MTIF2: variants seen among roughly 807,000 people sequenced by gnomAD.
The protein encoded by MTIF2 is translation initiation factor IF-2, mitochondrial.
Under a neutral mutation model 83.5 loss-of-function variants are expected in MTIF2, and 71 were observed. The observed-to-expected ratio is 0.85, with a 90% CI of 0.70 to 1.04. The LOEUF is 1.04. Ranked by LOEUF, MTIF2 falls within the 50% of genes least tolerant of loss-of-function variation. The pLI is 0.00. For missense variants in MTIF2, 957 were observed against 846.5 expected, an observed-to-expected ratio of 1.13 and a Z score of -1.62; for synonymous variants, 319 against 287.1, an observed-to-expected ratio of 1.11 and a Z score of -1.12.
rs181088667 is a variant in MTIF2, at chr2:55,249,255, C to T, written c.981+140G>A. On this transcript the variant is annotated intron_variant, in intron 9 of 15. Coordinates refer to ENST00000263629, the MANE Select transcript of MTIF2 (RefSeq NM_002453.3). Reference sequence around the variant, plus strand: ...CTAACATGCCAAACCAAGATAATACCATCTTTGCCTGGCACCAAGAAAACT... The same window carrying T: ...CTAACATGCCAAACCAAGATAATACTATCTTTGCCTGGCACCAAGAAAACT... 2.3e-4 allele frequency: 246 copies of T among 1,048,202 alleles called. 2 individuals are homozygous for T. In the East Asian group the frequency reaches 6.2e-3, roughly 26 times the overall value. The allele number at this position is 1,048,202 out of a possible 1,614,324, so 64.9% of individuals were successfully genotyped here.
intron 9 of MTIF2, 40 bp from the exon 10 acceptor site, chr2:55,246,501 T>C (rs1394009652): frequency 2.6e-6 from 4 of 1,559,844 alleles, no homozygotes; most frequent in Non-Finnish European, 3.5e-6. Context: ...CATTAATAAA[T>C]ATTATCTGTA....
rs1488464440 is a variant in MTIF2, at chr2:55,268,633, C to G, written c.-130G>C. ...CGGAAATCCAGAAGGGTCAAAAAAG[C>G]TTCTCCAATGTCATACCGCTAGTTA... On this transcript the variant is annotated 5_prime_UTR_variant, in exon 2 of 16. Transcript: ENST00000263629. 6.6e-6 allele frequency: 1 copy of G among 152,290 alleles called. No individual in the cohort carries two copies. The highest frequency in any genetic ancestry group is 1.9e-4 in the East Asian group (1 of 5,190). 9.4% of individuals were successfully genotyped at this position (152,290 alleles called of 1,614,324 possible).
intron 4 of MTIF2, 31 bp downstream of exon 4, chr2:55,263,609 C>CA (rs748533572): frequency 0.099 from 124,831 of 1,255,294 alleles, 21 homozygotes; most frequent in Non-Finnish European, 0.11. Context: ...GACTCCATCT[C>CA]AAAAAAAAAA....
chr2:55,243,036 T>C lies in MTIF2; in HGVS notation c.1609A>G (p.Thr537Ala), dbSNP rs1271086288. The change falls in exon 13 of 16, where the codon ACC (threonine) becomes GCC (alanine). Residue 537 changes from threonine to alanine, a missense_variant. Coordinates refer to ENST00000263629, the MANE Select transcript of MTIF2 (RefSeq NM_002453.3). ...TCACACTCGTGTGAAGCATCATAGG[T>C]ATCTATAATGTTCAAAATGGCCTCA... is the stretch of plus-strand genomic sequence containing the variant. ...SVEAILNIID[T>A]YDASHECELE... 1 of 1,612,544 alleles carries C rather than the reference T, an allele frequency of 6.2e-7. No individual in the cohort carries two copies. The highest frequency in any genetic ancestry group is 2.2e-5 in the East Asian group (1 of 44,796).
chr2:55,266,763 CT>C (rs1216777992), intron 3 of MTIF2, among the ~76,000 whole-genome samples: 1,236 of 86,296 alleles, frequency 0.014, 7 homozygotes, highest in Middle Eastern at 0.05. Flanking sequence ...ACATTTCATT[CT>C]TTTTTTTTTT....
intron 12 of MTIF2, 70 bp downstream of exon 12, chr2:55,243,346 C>T: frequency 7.2e-7 from 1 of 1,382,746 alleles, no homozygotes; most frequent in East Asian, 2.3e-5. Context: ...AATGTAAAGG[C>T]CCAAACTATG....
At chr2:55,249,571 A>C (rs1676945630) in intron 8 of MTIF2, 37 bp from the exon 9 acceptor site, 2 of 1,534,622 alleles carry the variant, frequency 1.3e-6, no homozygotes, top group African/African-American at 2.7e-5. Flanking sequence ...GAAAATGATG[A>C]CACCTTCAAT....
intron 12 of MTIF2, 108 bp from the exon 13 acceptor site, chr2:55,243,188 T>A: frequency 1.7e-6 from 2 of 1,211,148 alleles, no homozygotes; most frequent in Non-Finnish European, 2.3e-6. Flanking sequence ...CATTTATCAC[T>A]AAATCCACTT....
rs894047591 is a variant in MTIF2 at position 55,253,058 on chromosome 2, T to C, written c.665-405A>G. ...GGCAGTAGCTCACGATTTGAGTCCA[T>C]TGACCTTGGGTTTAAATCCTGGCTA... On this transcript the variant is annotated intron_variant, in intron 7 of 15. Transcript: ENST00000263629. 3.9e-5 allele frequency among the ~76,000 whole-genome samples: 6 copies of C among 152,202 alleles called. No individual in the cohort carries two copies. The South Asian group carries it at 6.2e-4, about 16-fold the overall frequency.
chr2:55,252,617 T>C lies in MTIF2; in HGVS notation c.701A>G (p.Asp234Gly). 6.2e-7 allele frequency: 1 copy of C among 1,613,222 alleles called. No individual in the cohort carries two copies. Among genetic ancestry groups the C allele is most frequent in the Non-Finnish European group, 8.5e-7 (1 of 1,179,658 alleles). Residue 234 changes from aspartate to glycine, a missense_variant, in exon 8 of 16, where the codon GAT (aspartate) becomes GGT (glycine). Transcript: ENST00000263629. ...TGAGAAAGCAGCATGTCCTGGAGTA[T>C]CAAGAAAAGTTATCTTTTCCCCAGA... is the stretch of plus-strand genomic sequence containing the variant. ...LPSGEKITFL[D>G]TPGHAAFSAM...
chr2:55,257,855 G>A (rs1364702659), intron 5 of MTIF2, among the ~76,000 whole-genome samples: 6 of 152,290 alleles, frequency 3.9e-5, no homozygotes, highest in African/African-American at 1.2e-4. Flanking sequence ...GAGTGCAGTG[G>A]CACAATCTCA....
intron 5 of MTIF2, among the ~76,000 whole-genome samples, chr2:55,260,498 A>C (rs1196746427): frequency 1.3e-5 from 2 of 152,208 alleles, no homozygotes; most frequent in African/African-American, 2.4e-5. Context: ...TCAGGCAGGA[A>C]ACACATTGAA....
intron 10 of MTIF2, among the ~76,000 whole-genome samples, chr2:55,245,973 A>G (rs1676667550): frequency 1.3e-5 from 2 of 152,230 alleles, no homozygotes; most frequent in African/African-American, 4.8e-5. Context: ...TAATGGGTAA[A>G]GTATAAAGAA....
chr2:55,236,973 AC>A (rs1364337559), intron 15 of MTIF2, among the ~76,000 whole-genome samples, 153 bp from the exon 16 acceptor site: 2 of 152,320 alleles, frequency 1.3e-5, no homozygotes, highest in East Asian at 3.9e-4. Context: ...TACCAGGGGA[AC>A]CCCCTCAAAA....
At position 55,244,190 on chromosome 2, in the gene MTIF2, C is replaced by G; in HGVS notation, c.1150G>C (p.Gly384Arg). The G allele has an allele frequency of 6.2e-7, 1 of 1,614,022 alleles. No homozygotes were observed. The highest frequency in any genetic ancestry group is 8.5e-7 in the Non-Finnish European group (1 of 1,179,962). Residue 384 changes from glycine to arginine, a missense_variant, in exon 11 of 16, where the codon GGC (glycine) becomes CGC (arginine). Around this residue, in one of 3 missense-constraint regions of MTIF2, gnomAD observed 733 missense variants for 648.7 expected, o/e 1.13. Transcript: ENST00000263629. ...AIIQRGTLRK[G>R]SVLVAGKCWA... ...CATTTTCCAGCAACCAGAACAGAGC[C>G]TTTTCTTAAAGTTCCTCTTTGAATT... is the stretch of plus-strand genomic sequence containing the variant.
At chr2:55,257,861 T>C (rs1481406390) in intron 5 of MTIF2, among the ~76,000 whole-genome samples, 1 of 152,174 alleles carries the variant, frequency 6.6e-6, no homozygotes, top group Non-Finnish European at 1.5e-5. Flanking sequence ...AGTGGCACAA[T>C]CTCAGCTCAC....
At chr2:55,241,417 CA>C (rs71410490) in intron 13 of MTIF2, among the ~76,000 whole-genome samples, 129 of 80,524 alleles carry the variant, frequency 1.6e-3, no homozygotes, top group Non-Finnish European at 2.3e-3. Flanking sequence ...GACTCTGTCT[CA>C]AAAAAAAAAA....
chr2:55,241,860 T>G (rs538671975), intron 13 of MTIF2, among the ~76,000 whole-genome samples: 2 of 151,196 alleles, frequency 1.3e-5, no homozygotes, highest in Non-Finnish European at 2.9e-5. Context: ...AAGAAGTCAT[T>G]CAATTGGCTA....
chr2:55,244,035 T>G lies in MTIF2; in HGVS notation c.1305A>C (p.Glu435Asp). 3 of 1,613,706 alleles carry G rather than the reference T, an allele frequency of 1.9e-6. No homozygotes were observed. Among genetic ancestry groups the G allele is most frequent in the Middle Eastern group, 1.7e-4 (1 of 6,010 alleles). ...GGAATTAAGCTTGATACACCTCAGA[T>G]TCTACTTCAAGAATTTCTTCTCCTG... Reference protein sequence around the residue: ...PSAGEEILEVESEPRAREVVD... With the variant: ...PSAGEEILEVDSEPRAREVVD... Residue 435 changes from glutamate to aspartate, a missense_variant, in exon 11 of 16, where the codon GAA (glutamate) becomes GAC (aspartate). Physicochemically the swap from Glu to Asp is conservative, Grantham distance 45 (BLOSUM62 2). Transcript: ENST00000263629.
Sources: gnomAD v4.1 joint callset for allele counts (sites outside exome capture counted in the v4.1 genomes callset) on GRCh38, gnomAD v4.1.1 for gene constraint, gnomAD v4.1.1 regional missense constraint, MANE v1.5 for transcripts, NCBI Gene and HGNC (gene_info 2026-07-23, HGNC 2026-07-21) for gene names.